Variants in PTPN14 observed in about 807,000 individuals in gnomAD.
PTPN14 encodes the protein tyrosine-protein phosphatase non-receptor type 14.
Under a neutral mutation model 126.8 loss-of-function variants are expected in PTPN14, and 53 were observed. That is an observed-to-expected ratio of 0.42 (90% CI 0.34 to 0.53). PTPN14 has a LOEUF of 0.53. Among genes scored for constraint, PTPN14 ranks in the 20% least tolerant of loss-of-function variants. PTPN14 has a pLI of 0.08. For missense variants in PTPN14, 1,257 were observed against 1,552.9 expected (o/e 0.81, Z 3.20); for synonymous variants, 630 against 599.3 (o/e 1.05, Z -0.75).
intron 14 of PTPN14, 76 bp from the exon 15 acceptor site, chr1:214,376,513 A>C (rs1053408423): frequency 1.3e-5 from 16 of 1,237,434 alleles, no homozygotes; most frequent in Non-Finnish European, 1.7e-5. Context: ...ATTTCTTTAA[A>C]TATTTAGCGA....
At chr1:214,400,322 A>C (rs919971330) in intron 7 of PTPN14, among the ~76,000 whole-genome samples, 12 of 152,196 alleles carry the variant, frequency 7.9e-5, no homozygotes, top group African/African-American at 2.9e-4. Context: ...ATAGGTGGTC[A>C]CCTTAGATAT....
chr1:214,450,001 C>T (rs1191502808), intron 3 of PTPN14, among the ~76,000 whole-genome samples: 1 of 151,890 alleles, frequency 6.6e-6, no homozygotes, highest in Non-Finnish European at 1.5e-5. Context: ...GGCTTGGTGG[C>T]ACATGCCTGT....
intron 1 of PTPN14, among the ~76,000 whole-genome samples, chr1:214,479,484 C>T (rs1464065664): frequency 5.3e-5 from 8 of 151,954 alleles, no homozygotes; most frequent in Middle Eastern, 3.4e-3. Context: ...GGATTACAGG[C>T]GCCCACCACC....
intron 3 of PTPN14, among the ~76,000 whole-genome samples, chr1:214,438,652 A>T (rs2102617754): frequency 6.6e-6 from 1 of 152,254 alleles, no homozygotes; most frequent in South Asian, 2.1e-4. Flanking sequence ...ATCATTAATA[A>T]TGTACGAAGC....
At chr1:214,445,196 G>C (rs187386309) in intron 3 of PTPN14, among the ~76,000 whole-genome samples, 10 of 152,284 alleles carry the variant, frequency 6.6e-5, no homozygotes, top group Non-Finnish European at 1.5e-4. Flanking sequence ...CTAAGAGTAG[G>C]GGATACCCAT....
chr1:214,447,221 T>C (rs757335802), intron 3 of PTPN14, among the ~76,000 whole-genome samples: 1 of 152,124 alleles, frequency 6.6e-6, no homozygotes, highest in Non-Finnish European at 1.5e-5. Context: ...CCACCACTGC[T>C]TCCCCTTGGC....
Position 214,461,208 on chromosome 1 carries a change from T to TA in PTPN14, c.174+3421dup, listed in dbSNP as rs1317913035. Among the ~76,000 whole-genome samples, 4 of 152,242 alleles carry TA rather than the reference T, an allele frequency of 2.6e-5. No individual in the cohort carries two copies. The East Asian group carries it at 7.7e-4, about 29-fold the overall frequency. ...CAATTAATGTAAATAAAAAATTTAA[T>TA]AAAAAAATTTTAATCCACCATACAT... On this transcript the variant is annotated intron_variant, in intron 2 of 18. Coordinates refer to ENST00000366956, the MANE Select transcript of PTPN14 (RefSeq NM_005401.5).
At chr1:214,507,764 A>C (rs556776231) in intron 1 of PTPN14, among the ~76,000 whole-genome samples, 1 of 152,322 alleles carries the variant, frequency 6.6e-6, no homozygotes, top group Admixed American at 6.5e-5. Flanking sequence ...AGTGCATATA[A>C]AAGTTATGTT....
intron 1 of PTPN14, among the ~76,000 whole-genome samples, chr1:214,496,708 T>C (rs1654525469): frequency 6.6e-6 from 1 of 152,122 alleles, no homozygotes; most frequent in African/African-American, 2.4e-5. Flanking sequence ...TGGAGAGAGA[T>C]TTTTAAAGTC....
Position 214,457,321 on chromosome 1 carries a change from T to C in PTPN14, c.175-5347A>G, listed in dbSNP as rs540351180. ...TTTGAAATGATTATAGTTTGGTTTT[T>C]AAAAGCTTTTTTACACTCTTTTAAA... On this transcript the variant is annotated intron_variant, in intron 2 of 18. Coordinates refer to ENST00000366956, the MANE Select transcript of PTPN14 (RefSeq NM_005401.5). 2.6e-5 allele frequency among the ~76,000 whole-genome samples: 4 copies of C among 152,334 alleles called. No individual in the cohort carries two copies. The East Asian group carries it at 7.7e-4, about 29-fold the overall frequency.
chr1:214,454,781 T>G (rs1302338244), intron 2 of PTPN14, among the ~76,000 whole-genome samples: 1 of 152,186 alleles, frequency 6.6e-6, no homozygotes, highest in Non-Finnish European at 1.5e-5. Flanking sequence ...TCAGGGTGAC[T>G]CACCAGGTAA....
intron 1 of PTPN14, among the ~76,000 whole-genome samples, chr1:214,508,360 G>T (rs1654892565): frequency 6.6e-6 from 1 of 152,166 alleles, no homozygotes; most frequent in Non-Finnish European, 1.5e-5. Flanking sequence ...AATGTTCACA[G>T]CATCATCACC....
At position 214,357,896 on chromosome 1, in the gene PTPN14, C is replaced by T. The variant is rs2291831; in HGVS notation, c.*26G>A. On this transcript the variant is annotated 3_prime_UTR_variant, in exon 19 of 19. Coordinates refer to ENST00000366956, the MANE Select transcript of PTPN14 (RefSeq NM_005401.5). Reference sequence around the variant, plus strand: ...CCTCCAGCGCGATGGAGCTGGGTCCCTCCTCCAGGAGCTGGATTGGGGTGA... The same window carrying T: ...CCTCCAGCGCGATGGAGCTGGGTCCTTCCTCCAGGAGCTGGATTGGGGTGA... 227,994 of 1,605,466 alleles carry T rather than the reference C, an allele frequency of 0.14. 17,131 individuals are homozygous for T. Among genetic ancestry groups the T allele is most frequent in the Middle Eastern group, 0.22 (1,075 of 4,986 alleles).
intron 2 of PTPN14, among the ~76,000 whole-genome samples, chr1:214,453,127 G>C (rs1198225038): frequency 6.6e-6 from 1 of 152,102 alleles, no homozygotes; most frequent in East Asian, 1.9e-4. Context: ...TTGAGATGGG[G>C]GTAATGATTT....
rs1279248477 is a variant in PTPN14 at position 214,354,946 on chromosome 1, G to A, written c.*2976C>T. The stretch of plus-strand genomic sequence containing the variant: ...CCTTGGCTTGCTTCCCAGATATAAA[G>A]CATCTCTGGGCAATTATTATGCAGA... On this transcript the variant is annotated 3_prime_UTR_variant, in exon 19 of 19. Coordinates refer to ENST00000366956, the MANE Select transcript of PTPN14 (RefSeq NM_005401.5). The A allele has an allele frequency of 6.6e-6, 1 of 152,118 alleles. No homozygotes were observed. Among genetic ancestry groups the A allele is most frequent in the Non-Finnish European group, 1.5e-5 (1 of 68,036 alleles). 9.4% of individuals were successfully genotyped at this position (152,118 alleles called of 1,614,324 possible).
rs73075918 is a variant in PTPN14, at chr1:214,440,321, A to G, written c.344+11484T>C. 3.6e-3 allele frequency among the ~76,000 whole-genome samples: 547 copies of G among 152,358 alleles called. 3 individuals are homozygous for G. Among genetic ancestry groups the G allele is most frequent in the African/African-American group, 0.013 (521 of 41,582 alleles). On this transcript the variant is annotated intron_variant, in intron 3 of 18. Coordinates refer to ENST00000366956, the MANE Select transcript of PTPN14 (RefSeq NM_005401.5). ...ATTCTGGTCTGTCTTGATATAAGGC[A>G]AAGGGCTCTTTCTCAAATAGGCTGT...
At chr1:214,419,178 G>GAGGT in intron 3 of PTPN14, among the ~76,000 whole-genome samples, 1 of 152,112 alleles carries the variant, frequency 6.6e-6, no homozygotes, top group South Asian at 2.1e-4. Flanking sequence ...TACTCTCAAG[G>GAGGT]AGGTCTGAGT....
At chr1:214,404,045 C>T (rs1343100152) in intron 5 of PTPN14, among the ~76,000 whole-genome samples, 6 of 152,158 alleles carry the variant, frequency 3.9e-5, no homozygotes, top group Non-Finnish European at 8.8e-5. Flanking sequence ...TACCAAACGC[C>T]CCATTCCTTT....
intron 3 of PTPN14, among the ~76,000 whole-genome samples, chr1:214,448,908 C>T (rs942971046): frequency 1.2e-4 from 19 of 152,048 alleles, no homozygotes; most frequent in Non-Finnish European, 2.1e-4. Flanking sequence ...CTTACTTAGA[C>T]CCTAATTTTG....
Sources: allele counts gnomAD v4.1 joint callset (sites outside exome capture counted in the v4.1 genomes callset), GRCh38; gene constraint gnomAD v4.1.1; transcripts MANE v1.5; gene names NCBI Gene and HGNC (gene_info 2026-07-23, HGNC 2026-07-21).